The following ZNF248 variants were observed in gnomAD, a reference collection of about 807,000 sequenced individuals.
ZNF248 encodes the protein zinc finger protein 248, also known as KRAB protein domain.
Under a neutral mutation model 44.3 loss-of-function variants are expected in ZNF248, and 20 were observed. The observed-to-expected ratio is 0.45, with a 90% CI of 0.32 to 0.66. The LOEUF (loss-of-function observed/expected upper bound fraction) is 0.66. Ranked by LOEUF, ZNF248 falls within the 30% of genes least tolerant of loss-of-function variation. The probability of loss-of-function intolerance (pLI) is 0.04; values close to 1 mark genes in which losing one functional copy is unlikely to be tolerated. For missense variants in ZNF248, 654 were observed against 677.0 expected (o/e 0.97, Z 0.38); for synonymous variants, 224 against 229.0 (o/e 0.98, Z 0.20).
downstream of ZNF248, among the ~76,000 whole-genome samples, chr10:37,774,964 T>C (rs2046463802): frequency 6.6e-6 from 1 of 151,828 alleles, no homozygotes; most frequent in Admixed American, 6.6e-5. Context: ...AGAGACTGGG[T>C]CTCACCATGT....
At chr10:37,767,819 A>G in the ZNF248 span, among the ~76,000 whole-genome samples, 2 of 152,228 alleles carry the variant, frequency 1.3e-5, no homozygotes, top group Non-Finnish European at 2.9e-5. Flanking sequence ...CAATTAAAAG[A>G]CACAGACTGG....
intron 6 of ZNF248, among the ~76,000 whole-genome samples, chr10:37,801,634 T>C (rs2049850500): frequency 6.6e-6 from 1 of 152,094 alleles, no homozygotes; most frequent in Non-Finnish European, 1.5e-5. Context: ...AAAAAACCCA[T>C]AAATATAGGA....
At position 37,830,958 on chromosome 10, in the gene ZNF248, C is replaced by T. The variant is rs975906578; in HGVS notation, c.*657G>A. The T allele has an allele frequency of 2.2e-6, 1 of 452,320 alleles. No individual in the cohort carries two copies. Among genetic ancestry groups the T allele is most frequent in the Non-Finnish European group, 3.0e-6 (1 of 330,502 alleles). The allele number at this position is 452,320 out of a possible 1,614,324, so 28.0% of individuals were successfully genotyped here. On this transcript the variant is annotated 3_prime_UTR_variant, in exon 6 of 6. Transcript: ENST00000395867. ...GCTCACAAAATTCCTTAAAATTTAACAATCAGAACTTTTAAGTCAGTATGA... is the reference window on the plus strand; with the variant it reads ...GCTCACAAAATTCCTTAAAATTTAATAATCAGAACTTTTAAGTCAGTATGA...
At chr10:37,771,057 C>G in the ZNF248 span, among the ~76,000 whole-genome samples, 2 of 152,164 alleles carry the variant, frequency 1.3e-5, no homozygotes, top group Admixed American at 1.3e-4. Flanking sequence ...AAATGCAAAT[C>G]AAAACCACAA....
In ZNF248 at chr10:37,823,510, G is replaced by A. The variant is rs527363887; in HGVS notation, c.330+9515C>T. Among the ~76,000 whole-genome samples the A allele has an allele frequency of 2.5e-3, 386 of 152,030 alleles. 1 individual carries two copies. Among genetic ancestry groups the A allele is most frequent in the African/African-American group, 8.7e-3 (359 of 41,462 alleles). ...TGTAAATTTTATGTGAAATAATGAGGGGGGTCAAGAATTTTGTGAAGATAC... is the reference window on the plus strand; with the variant it reads ...TGTAAATTTTATGTGAAATAATGAGAGGGGTCAAGAATTTTGTGAAGATAC... On this transcript the variant is annotated intron_variant, in intron 6 of 6. Coordinates refer to the ZNF248 transcript ENST00000615949.
Position 37,776,621 on chromosome 10 carries a change from C to A in ZNF248, c.331-46G>T, listed in dbSNP as rs558068414. ...TACTCAGAAACTTCACTCAGGGTTC[C>A]AAATCTCAAAGAACTTCCTTGTCTA... On this transcript the variant is annotated intron_variant, in intron 6 of 6. Coordinates refer to the ZNF248 transcript ENST00000615949. 1.2e-4 allele frequency: 49 copies of A among 397,366 alleles called. No homozygotes were observed. The East Asian group carries it at 1.7e-3, about 14-fold the overall frequency. The allele number at this position is 397,366 out of a possible 1,614,324, so 24.6% of individuals were successfully genotyped here. A position where few individuals can be genotyped will look rare whatever the true frequency, so the allele number is the denominator to read the frequency against.
At chr10:37,826,027 T>C (rs1488587074), downstream of ZNF248, among the ~76,000 whole-genome samples, 1 of 152,124 alleles carries the variant, frequency 6.6e-6, no homozygotes, top group Non-Finnish European at 1.5e-5. Flanking sequence ...AAGTGAGCCA[T>C]TGATAGGATG....
At chr10:37,764,972 T>C in the ZNF248 span, among the ~76,000 whole-genome samples, 2 of 152,084 alleles carry the variant, frequency 1.3e-5, no homozygotes, top group African/African-American at 4.8e-5. Context: ...TTTTTTTTTT[T>C]CTTTTTTTGA....
chr10:37,825,570 A>G (rs2133750031), downstream of ZNF248, among the ~76,000 whole-genome samples: 1 of 152,234 alleles, frequency 6.6e-6, no homozygotes, highest in East Asian at 1.9e-4. Flanking sequence ...TCCAAAGTTA[A>G]CTGAGATTAT....
intron 6 of ZNF248, among the ~76,000 whole-genome samples, chr10:37,813,642 T>C (rs2051929032): frequency 6.6e-6 from 1 of 152,226 alleles, no homozygotes; most frequent in South Asian, 2.1e-4. Flanking sequence ...ATATAGTATA[T>C]AATACATATA....
the ZNF248 span, among the ~76,000 whole-genome samples, chr10:37,770,106 G>A: frequency 6.6e-6 from 1 of 152,208 alleles, no homozygotes; most frequent in East Asian, 1.9e-4. Context: ...ACAAACCACT[G>A]CTCAATGAAA....
Position 37,829,713 on chromosome 10 carries a change from A to G in ZNF248, c.*1902T>C. ...CCTTCAGAGATAAAAACGATAAGCC[A>G]ATACCATGTTACAGACATGAAAAAG... On this transcript the variant is annotated 3_prime_UTR_variant, in exon 6 of 6. Coordinates refer to ENST00000395867, the MANE Select transcript of ZNF248 (RefSeq NM_021045.3). 1 of 985,392 alleles carries G rather than the reference A, an allele frequency of 1.0e-6. No individual in the cohort carries two copies. The highest frequency in any genetic ancestry group is 4.7e-5 in the South Asian group (1 of 21,284). 61.0% of individuals were successfully genotyped at this position (985,392 alleles called of 1,614,324 possible).
At chr10:37,834,906 A>G (rs1589683442) in intron 5 of ZNF248, among the ~76,000 whole-genome samples, 1 of 152,214 alleles carries the variant, frequency 6.6e-6, no homozygotes, top group Non-Finnish European at 1.5e-5. Flanking sequence ...GAGCAGAAAC[A>G]AAGAAATTTA....
chr10:37,857,024 G>C (rs1025652662), intron 1 of ZNF248, 161 bp downstream of exon 1: 1 of 152,350 alleles, frequency 6.6e-6, no homozygotes, highest in South Asian at 2.1e-4. Context: ...CAAGAGAGGA[G>C]GAAGCTCAGC....
chr10:37,779,127 C>T (rs2046972874), intron 6 of ZNF248, among the ~76,000 whole-genome samples: 1 of 150,900 alleles, frequency 6.6e-6, no homozygotes, highest in South Asian at 2.1e-4. Flanking sequence ...CTATTCCAAT[C>T]AATAGAAAAA....
intron 6 of ZNF248, chr10:37,819,788 G>T: frequency 1.3e-6 from 1 of 782,168 alleles, no homozygotes; most frequent in Non-Finnish European, 2.4e-6. Context: ...CTCACTGGTT[G>T]CAGGAGGGTC....
the ZNF248 span, among the ~76,000 whole-genome samples, chr10:37,767,332 C>T: frequency 2.1e-3 from 317 of 152,164 alleles, 1 homozygote; most frequent in Admixed American, 3.3e-3. Flanking sequence ...TCAGATTCAC[C>T]AAAGTTGAAA....
chr10:37,782,685 G>A (rs2047448688), intron 6 of ZNF248, among the ~76,000 whole-genome samples: 1 of 152,088 alleles, frequency 6.6e-6, no homozygotes, highest in East Asian at 1.9e-4. Context: ...ACATTGGGAG[G>A]ACACCATTTG....
At chr10:37,827,061 G>A (rs985090326), downstream of ZNF248, among the ~76,000 whole-genome samples, 1 of 152,198 alleles carries the variant, frequency 6.6e-6, no homozygotes, top group Non-Finnish European at 1.5e-5. Flanking sequence ...GGCAGCTGGT[G>A]CAGACATCAG....
Sources: gnomAD v4.1 joint callset for allele counts (sites outside exome capture counted in the v4.1 genomes callset) on GRCh38, gnomAD v4.1.1 for gene constraint, MANE v1.5 for transcripts, NCBI Gene and HGNC (gene_info 2026-07-23, HGNC 2026-07-21) for gene names.